Variants in CPQ observed in about 807,000 individuals in gnomAD.
CPQ encodes the protein carboxypeptidase Q.
A neutral mutation model predicts 45.7 loss-of-function variants in CPQ; 37 were observed. That is an observed-to-expected ratio of 0.81 (90% CI 0.62 to 1.07). CPQ has a LOEUF of 1.07. CPQ is among the 50% of genes least tolerant of loss of function. The pLI is 0.00. For synonymous variants in CPQ, 186 were observed against 205.8 expected (o/e 0.90, Z 0.82); for missense variants, 537 against 572.9 (o/e 0.94, Z 0.64).
At chr8:96,980,595 G>T (rs1813876250) in intron 5 of CPQ, among the ~76,000 whole-genome samples, 1 of 152,130 alleles carries the variant, frequency 6.6e-6, no homozygotes, top group South Asian at 2.1e-4. Flanking sequence ...TGCCAAAACA[G>T]CAGGTTGGAT....
intron 6 of CPQ, among the ~76,000 whole-genome samples, chr8:97,054,925 A>G (rs937412799): frequency 6.6e-6 from 1 of 152,208 alleles, no homozygotes; most frequent in Non-Finnish European, 1.5e-5. Context: ...TTATTGAAAT[A>G]ACAAAATGTT....
chr8:96,906,761 T>C (rs550657126), intron 4 of CPQ, among the ~76,000 whole-genome samples: 1 of 152,136 alleles, frequency 6.6e-6, no homozygotes, highest in Non-Finnish European at 1.5e-5. Flanking sequence ...ATTCCATTCA[T>C]GAGGACTCTG....
intron 1 of CPQ, among the ~76,000 whole-genome samples, chr8:96,726,280 TG>T (rs1809838380): frequency 6.6e-6 from 1 of 151,098 alleles, no homozygotes; most frequent in African/African-American, 2.4e-5. Flanking sequence ...GTGCTCATTA[TG>T]GATTAATTCA....
At chr8:97,038,134 C>T (rs936310524) in intron 6 of CPQ, among the ~76,000 whole-genome samples, 13 of 152,168 alleles carry the variant, frequency 8.5e-5, no homozygotes, top group Admixed American at 5.2e-4. Context: ...TTGGTTTTAG[C>T]CCAGTACCTT....
chr8:96,927,788 C>G (rs1262196800), intron 4 of CPQ, among the ~76,000 whole-genome samples: 1 of 152,190 alleles, frequency 6.6e-6, no homozygotes, highest in Non-Finnish European at 1.5e-5. Context: ...AGGAACCAAG[C>G]TAACTAAGAT....
chr8:97,015,633 A>C (rs1242336140), intron 5 of CPQ, among the ~76,000 whole-genome samples: 1 of 152,166 alleles, frequency 6.6e-6, no homozygotes, highest in South Asian at 2.1e-4. Flanking sequence ...TTTCTCAGGC[A>C]TTGCTGGTAG....
At chr8:96,685,497 G>A (rs550086933) in intron 1 of CPQ, among the ~76,000 whole-genome samples, 20 of 151,812 alleles carry the variant, frequency 1.3e-4, no homozygotes, top group East Asian at 3.9e-4. Flanking sequence ...CATTTTTTCC[G>A]ATGGGATTCA....
At chr8:96,829,261 T>C (rs928990579) in intron 2 of CPQ, among the ~76,000 whole-genome samples, 3 of 152,072 alleles carry the variant, frequency 2.0e-5, no homozygotes, top group Non-Finnish European at 2.9e-5. Context: ...GTCTGGGCTC[T>C]CTCACAAGGC....
At chr8:96,860,936 G>A (rs747556997) in intron 3 of CPQ, among the ~76,000 whole-genome samples, 2 of 152,058 alleles carry the variant, frequency 1.3e-5, no homozygotes, top group African/African-American at 4.8e-5. Flanking sequence ...ATAAATGCTG[G>A]TTTATTTTGA....
chr8:96,963,240 G>A (rs376276653), intron 4 of CPQ, among the ~76,000 whole-genome samples: 11 of 152,222 alleles, frequency 7.2e-5, no homozygotes, highest in South Asian at 2.1e-4. Flanking sequence ...CCACTGGAAC[G>A]TCACTGAGAA....
chr8:96,988,430 G>GA (rs1230606475), intron 5 of CPQ, among the ~76,000 whole-genome samples: 1 of 151,998 alleles, frequency 6.6e-6, no homozygotes, highest in Non-Finnish European at 1.5e-5. Context: ...TTCAGACTGG[G>GA]AAAAAATGTA....
At chr8:96,750,025 T>C (rs1242189641) in intron 1 of CPQ, among the ~76,000 whole-genome samples, 2 of 151,978 alleles carry the variant, frequency 1.3e-5, no homozygotes, top group Non-Finnish European at 2.9e-5. Context: ...TAGAGATATA[T>C]TTATAGAAAA....
chr8:96,678,372 G>A (rs921698931), intron 1 of CPQ, among the ~76,000 whole-genome samples: 1 of 151,934 alleles, frequency 6.6e-6, no homozygotes, highest in Non-Finnish European at 1.5e-5. Flanking sequence ...AGTTTTCCTT[G>A]TAGAGATCTT....
At position 96,655,364 on chromosome 8, in the gene CPQ, T is replaced by C. The variant is rs1050193066; in HGVS notation, c.-35+9962T>C. 3.0e-4 allele frequency among the ~76,000 whole-genome samples: 45 copies of C among 152,242 alleles called. 1 individual carries two copies. Among genetic ancestry groups the C allele is most frequent in the African/African-American group, 1.1e-3 (45 of 41,524 alleles). On this transcript the variant is annotated intron_variant, in intron 1 of 7. Transcript: ENST00000220763. ...TTGAGTCTGCTGTTGAAGATTTCTA[T>C]TGCATTTTTCAATTAAGTCATTGTA...
intron 7 of CPQ, among the ~76,000 whole-genome samples, chr8:97,102,353 C>CT (rs974206951): frequency 6.6e-6 from 1 of 152,068 alleles, no homozygotes; most frequent in Admixed American, 6.6e-5. Context: ...GTTAAACTGC[C>CT]TTTTTCCAGA....
At chr8:97,134,516 C>G (rs16895249) in intron 7 of CPQ, among the ~76,000 whole-genome samples, 1 of 152,154 alleles carries the variant, frequency 6.6e-6, no homozygotes, top group African/African-American at 2.4e-5. Flanking sequence ...CTTCTGCCCA[C>G]TGTATGAATG....
intron 7 of CPQ, among the ~76,000 whole-genome samples, chr8:97,102,754 C>A (rs1049154956): frequency 2.6e-5 from 4 of 152,170 alleles, no homozygotes; most frequent in Non-Finnish European, 5.9e-5. Flanking sequence ...CTGAAAAAAT[C>A]TTGTCTAGTA....
At position 96,999,999 on chromosome 8, in the gene CPQ, C is replaced by CT. The variant is rs534518950; in HGVS notation, c.962-29392dup. Among the ~76,000 whole-genome samples, 344 of 143,004 alleles carry CT rather than the reference C, an allele frequency of 2.4e-3. 3 individuals are homozygous for CT. Among genetic ancestry groups the CT allele is most frequent in the South Asian group, 7.7e-3 (35 of 4,530 alleles). 93.8% of individuals were successfully genotyped at this position (143,004 alleles called of 152,430 possible). ...TTCTCTAATGATCAGTGCTGCTGAG[C>CT]TTTTTTTTTTTTGTATGATTGTTGG... is the stretch of plus-strand genomic sequence containing the variant. On this transcript the variant is annotated intron_variant, in intron 5 of 7. Coordinates refer to ENST00000220763, the MANE Select transcript of CPQ (RefSeq NM_016134.4).
At chr8:96,827,700 C>A (rs927576849) in intron 2 of CPQ, among the ~76,000 whole-genome samples, 6 of 151,820 alleles carry the variant, frequency 4.0e-5, no homozygotes, top group African/African-American at 1.5e-4. Flanking sequence ...CTGGTGATGC[C>A]AATATTATTG....
Sources: allele counts gnomAD v4.1 joint callset (sites outside exome capture counted in the v4.1 genomes callset), GRCh38; gene constraint gnomAD v4.1.1; transcripts MANE v1.5; gene names NCBI Gene and HGNC (gene_info 2026-07-23, HGNC 2026-07-21).